SMAP1: variants seen among roughly 807,000 people sequenced by gnomAD.
The protein encoded by SMAP1 is small ArfGAP 1.
SMAP1 carries 24 observed loss-of-function variants against 58.5 expected under a neutral mutation model. That is an observed-to-expected ratio of 0.41 (90% CI 0.30 to 0.58). The LOEUF is 0.58. Among genes scored for constraint, SMAP1 ranks in the 20% least tolerant of loss-of-function variants. The probability of loss-of-function intolerance (pLI) is 0.29; values close to 1 mark genes in which losing one functional copy is unlikely to be tolerated. For missense variants in SMAP1, 563 were observed against 566.3 expected (o/e 0.99, Z 0.06); for synonymous variants, 216 against 196.6 (o/e 1.10, Z -0.82).
rs73483933 is a variant in SMAP1, at chr6:70,748,149, G to C, written c.253-6831G>C. 3.7e-3 allele frequency among the ~76,000 whole-genome samples: 560 copies of C among 152,258 alleles called. 4 individuals are homozygous for C. The highest frequency in any genetic ancestry group is 0.013 in the African/African-American group (526 of 41,548). On this transcript the variant is annotated intron_variant, in intron 2 of 10. Coordinates refer to ENST00000370455, the MANE Select transcript of SMAP1 (RefSeq NM_001044305.3). ...GCTTGCTCCTATGCAAGAAATCCTG[G>C]TGAATTTTGAGAGGAAGATAGAGAA... is the stretch of plus-strand genomic sequence containing the variant.
chr6:70,771,888 T>C (rs948419247), intron 3 of SMAP1, among the ~76,000 whole-genome samples: 1 of 152,178 alleles, frequency 6.6e-6, no homozygotes, highest in Non-Finnish European at 1.5e-5. Flanking sequence ...TATTTGGCCA[T>C]CTTGGCTCCA....
intron 7 of SMAP1, among the ~76,000 whole-genome samples, chr6:70,844,804 C>T (rs1770927194): frequency 6.6e-6 from 1 of 151,898 alleles, no homozygotes; most frequent in Non-Finnish European, 1.5e-5. Flanking sequence ...TAAAGGAATT[C>T]CAAGTAATAA....
At chr6:70,679,489 G>T (rs913488617) in intron 1 of SMAP1, among the ~76,000 whole-genome samples, 7 of 152,210 alleles carry the variant, frequency 4.6e-5, no homozygotes, top group Admixed American at 2.6e-4. Flanking sequence ...GAAATCCCAA[G>T]AAATTTATAG....
chr6:70,820,979 C>G (rs987378943), intron 6 of SMAP1, among the ~76,000 whole-genome samples: 1 of 152,064 alleles, frequency 6.6e-6, no homozygotes, highest in African/African-American at 2.4e-5. Context: ...TGGATTTAGA[C>G]CTTGTAAAGT....
chr6:70,845,678 A>T (rs1770960301), intron 7 of SMAP1, among the ~76,000 whole-genome samples: 2 of 152,232 alleles, frequency 1.3e-5, no homozygotes, highest in South Asian at 4.1e-4. Flanking sequence ...CTTATGATTT[A>T]AAACCCATCT....
At chr6:70,822,616 A>G (rs1314108139) in intron 6 of SMAP1, among the ~76,000 whole-genome samples, 1 of 152,116 alleles carries the variant, frequency 6.6e-6, no homozygotes, top group Admixed American at 6.6e-5. Flanking sequence ...AACATGATGT[A>G]CTTGGGTATA....
At chr6:70,805,020 G>T (rs1769056223) in intron 6 of SMAP1, among the ~76,000 whole-genome samples, 1 of 151,356 alleles carries the variant, frequency 6.6e-6, no homozygotes. Flanking sequence ...GGTGTTCTGT[G>T]TTTTTCCTGA....
At chr6:70,773,992 A>G (rs1196527348) in intron 4 of SMAP1, among the ~76,000 whole-genome samples, 1 of 152,152 alleles carries the variant, frequency 6.6e-6, no homozygotes, top group East Asian at 1.9e-4. Context: ...ATAATCCCTT[A>G]TTTTTACTGT....
intron 6 of SMAP1, among the ~76,000 whole-genome samples, chr6:70,820,610 G>A (rs1342462036): frequency 6.6e-6 from 1 of 152,020 alleles, no homozygotes; most frequent in Non-Finnish European, 1.5e-5. Context: ...GGAGGCTGAA[G>A]CAGGGGAATT....
intron 10 of SMAP1, chr6:70,859,541 T>C (rs1193895962): frequency 9.9e-6 from 6 of 604,332 alleles, no homozygotes; most frequent in Non-Finnish European, 1.6e-5. Flanking sequence ...AGTCTAACTC[T>C]GAGTGTAAGT....
At chr6:70,839,920 C>T (rs776003874) in intron 7 of SMAP1, among the ~76,000 whole-genome samples, 1 of 152,086 alleles carries the variant, frequency 6.6e-6, no homozygotes, top group African/African-American at 2.4e-5. Flanking sequence ...TCAAAACAAA[C>T]AGTGGTTCTA....
intron 6 of SMAP1, among the ~76,000 whole-genome samples, chr6:70,832,549 T>C (rs1364200504): frequency 1.3e-5 from 2 of 152,218 alleles, no homozygotes; most frequent in East Asian, 3.8e-4. Flanking sequence ...TCAGTTTGTT[T>C]TGTGCTGCTG....
intron 1 of SMAP1, among the ~76,000 whole-genome samples, chr6:70,722,179 G>A (rs1768558966): frequency 6.6e-6 from 1 of 152,312 alleles, no homozygotes; most frequent in East Asian, 1.9e-4. Context: ...TGAAATTAGA[G>A]TATTTGTAAA....
chr6:70,841,500 G>A (rs1236791423), intron 7 of SMAP1, among the ~76,000 whole-genome samples: 1 of 152,046 alleles, frequency 6.6e-6, no homozygotes, highest in Non-Finnish European at 1.5e-5. Flanking sequence ...TACATCATGT[G>A]TTTCTCTATT....
At chr6:70,687,859 A>G (rs1366459534) in intron 1 of SMAP1, among the ~76,000 whole-genome samples, 1 of 152,092 alleles carries the variant, frequency 6.6e-6, no homozygotes, top group Non-Finnish European at 1.5e-5. Flanking sequence ...ATCAAAAGTG[A>G]AGATTCATAT....
chr6:70,825,716 T>A (rs1458529883), intron 6 of SMAP1, among the ~76,000 whole-genome samples: 1 of 152,148 alleles, frequency 6.6e-6, no homozygotes, highest in African/African-American at 2.4e-5. Flanking sequence ...ATAATTATGA[T>A]GGGTATTTCA....
intron 6 of SMAP1, among the ~76,000 whole-genome samples, chr6:70,826,529 C>T (rs1770126206): frequency 6.6e-6 from 1 of 151,934 alleles, no homozygotes; most frequent in Non-Finnish European, 1.5e-5. Context: ...TTTGGGAGGC[C>T]GAGGCAGGTG....
chr6:70,809,839 GT>G (rs1194997474), intron 6 of SMAP1, among the ~76,000 whole-genome samples: 2 of 152,120 alleles, frequency 1.3e-5, no homozygotes, highest in African/African-American at 4.8e-5. Flanking sequence ...TTGAAGATTA[GT>G]TTGATGATGA....
chr6:70,671,487 T>A (rs1404675664), intron 1 of SMAP1, among the ~76,000 whole-genome samples: 2 of 152,138 alleles, frequency 1.3e-5, no homozygotes, highest in Non-Finnish European at 2.9e-5. Flanking sequence ...AGAGAATTGC[T>A]TGAACCTGGG....
Sources: allele counts gnomAD v4.1 joint callset (sites outside exome capture counted in the v4.1 genomes callset), GRCh38; gene constraint gnomAD v4.1.1; transcripts MANE v1.5; gene names NCBI Gene and HGNC (gene_info 2026-07-23, HGNC 2026-07-21).